The following TMEM8B variants were observed in gnomAD, a reference collection of about 807,000 sequenced individuals.
TMEM8B encodes nasopharyngeal carcinoma expressed 6.
TMEM8B carries 29 observed loss-of-function variants against 49.3 expected under a neutral mutation model. The observed-to-expected ratio is 0.59, with a 90% CI of 0.44 to 0.80. TMEM8B has a LOEUF of 0.80. Among genes scored for constraint, TMEM8B ranks in the 30% least tolerant of loss-of-function variants. TMEM8B has a pLI of 0.00. For synonymous variants in TMEM8B, 264 were observed against 272.8 expected (o/e 0.97, Z 0.32); for missense variants, 575 against 658.5 (o/e 0.87, Z 1.39).
At chr9:35,839,188 C>A (rs1279883220) in intron 3 of TMEM8B, among the ~76,000 whole-genome samples, 1 of 152,248 alleles carries the variant, frequency 6.6e-6, no homozygotes, top group African/African-American at 2.4e-5. Flanking sequence ...AGAAACCCAG[C>A]CCATACATAC....
At chr9:35,840,441 A>G (rs1274300904) in intron 3 of TMEM8B, among the ~76,000 whole-genome samples, 2 of 152,144 alleles carry the variant, frequency 1.3e-5, no homozygotes, top group African/African-American at 2.4e-5. Context: ...TATGCACTCT[A>G]TGTGAGGCCC....
rs1831510102 is a variant in TMEM8B, at chr9:35,846,077, A to AG, written c.1729+11dup. The AG allele has an allele frequency of 5.6e-6, 9 of 1,604,354 alleles. No homozygotes were observed. In the East Asian group the frequency reaches 2.0e-4, roughly 36 times the overall value. On this transcript the variant is annotated intron_variant, in intron 7 of 12. Transcript: ENST00000643932. ...AGTGACCTGTTCCAAAGGTGAGGTG[A>AG]GGAATGGGGGAGGAGAGGAAGCTGC... is the stretch of plus-strand genomic sequence containing the variant.
rs571937965 is a variant in TMEM8B, at chr9:35,853,314, C to A, written c.2439+57C>A. The A allele has an allele frequency of 1.3e-6, 2 of 1,515,394 alleles. No individual in the cohort carries two copies. Among genetic ancestry groups the A allele is most frequent in the East Asian group, 4.5e-5 (2 of 44,414 alleles). The allele number at this position is 1,515,394 out of a possible 1,614,324, so 93.9% of individuals were successfully genotyped here. On this transcript the variant is annotated intron_variant, in intron 12 of 12. Coordinates refer to ENST00000643932, the MANE Select transcript of TMEM8B (RefSeq NM_001042590.4). This position sits in a 1 kb window ranked among gnomAD's most constrained non-coding sequence, Gnocchi z 4.2. Reference sequence around the variant, plus strand: ...CCCAGCAGGACTTGGGTGCTGGGCCCCAGGTATCTGGTCCCCAGTTTAAGG... The same window carrying A: ...CCCAGCAGGACTTGGGTGCTGGGCCACAGGTATCTGGTCCCCAGTTTAAGG...
rs369365860 is a variant in TMEM8B at position 35,841,611 on chromosome 9, C to T, written c.1126C>T (p.Leu376=). Residue 376 remains leucine, a synonymous_variant, in exon 5 of 13, where the codon CTG becomes TTG. Transcript: ENST00000643932. This position sits in a 1 kb window ranked among gnomAD's most constrained non-coding sequence, Gnocchi z 5.9. The part of the protein sequence containing the change: ...GRGVSACPLS[L]RLRPKAPPLH... ...TGGGGTATCTGCCTGCCCCCTGTCA[C>T]TGCGTCTGCGTCCCAAAGCCCCACC... The T allele has an allele frequency of 1.2e-5, 5 of 416,406 alleles. No homozygotes were observed. The highest frequency in any genetic ancestry group is 2.0e-5 in the African/African-American group (1 of 48,828). 25.8% of individuals were successfully genotyped at this position (416,406 alleles called of 1,614,324 possible). A position where few individuals can be genotyped will look rare whatever the true frequency, so the allele number is the denominator to read the frequency against.
At position 35,841,976 on chromosome 9, in the gene TMEM8B, AT is replaced by A. The variant is rs34011895; in HGVS notation, c.1309+192del. 6.9e-3 allele frequency among the ~76,000 whole-genome samples: 1,037 copies of A among 149,400 alleles called. 11 individuals carry two copies. The highest frequency in any genetic ancestry group is 0.022 in the African/African-American group (885 of 40,700). On this transcript the variant is annotated intron_variant, in intron 5 of 12. Coordinates refer to ENST00000643932, the MANE Select transcript of TMEM8B (RefSeq NM_001042590.4). The surrounding 1 kb of genome is among the most constrained non-coding windows in gnomAD (Gnocchi z 5.9). The stretch of plus-strand genomic sequence containing the variant: ...CAAGTTATTGGAAGGCCTTTAGATA[AT>A]TTTTTTTTTGCATCTGACTTGAGAC...
chr9:35,847,649 G>A (rs149246780), intron 10 of TMEM8B, among the ~76,000 whole-genome samples: 16 of 152,286 alleles, frequency 1.1e-4, no homozygotes, highest in Admixed American at 2.6e-4. Flanking sequence ...ACTCAACTAT[G>A]TCCTGAGGCA....
intron 1 of TMEM8B, chr9:35,833,344 A>G: frequency 7.1e-6 from 7 of 985,138 alleles, no homozygotes; most frequent in Non-Finnish European, 7.2e-6. Flanking sequence ...TGGAGGTGTC[A>G]TCTTGGGCTT....
intron 10 of TMEM8B, among the ~76,000 whole-genome samples, chr9:35,847,458 C>G (rs1831713705): frequency 1.3e-5 from 2 of 152,260 alleles, no homozygotes; most frequent in Admixed American, 1.3e-4. Flanking sequence ...AGCTCCCCTT[C>G]TCCGTCGCAC....
Position 35,841,958 on chromosome 9 carries a change from T to C in TMEM8B, c.1309+164T>C, listed in dbSNP as rs569356346. ...CCATCACACTTGGAGCTCCAAGTTA[T>C]TGGAAGGCCTTTAGATAATTTTTTT... On this transcript the variant is annotated intron_variant, in intron 5 of 12. Transcript: ENST00000643932. This position sits in a 1 kb window ranked among gnomAD's most constrained non-coding sequence, Gnocchi z 5.9. Among the ~76,000 whole-genome samples, 1 of 152,298 alleles carries C rather than the reference T, an allele frequency of 6.6e-6. No homozygotes were observed. The highest frequency in any genetic ancestry group is 2.1e-4 in the South Asian group (1 of 4,824).
At chr9:35,830,038 G>A (rs1829695256) in intron 1 of TMEM8B, 83 bp downstream of exon 1, 4 of 410,320 alleles carry the variant, frequency 9.7e-6, no homozygotes, top group Admixed American at 4.4e-5. Context: ...GGAGAGGTGG[G>A]ACCTGGGGAA....
chr9:35,830,343 T>A (rs921960238), intron 1 of TMEM8B, among the ~76,000 whole-genome samples: 1 of 152,174 alleles, frequency 6.6e-6, no homozygotes, highest in Admixed American at 6.5e-5. Context: ...CCCAAACCTT[T>A]GAGATATTGG....
At position 35,853,960 on chromosome 9, in the gene TMEM8B, A is replaced by G. The variant is rs1832393438; in HGVS notation, c.*120A>G. Reference sequence around the variant, plus strand: ...TCTTGAGGACATGGAGTCTTTCTCAAGGACACAAAACTCTTCCAGGGACCT... The same window carrying G: ...TCTTGAGGACATGGAGTCTTTCTCAGGGACACAAAACTCTTCCAGGGACCT... On this transcript the variant is annotated 3_prime_UTR_variant, in exon 13 of 13. Transcript: ENST00000643932. The surrounding 1 kb of genome is among the most constrained non-coding windows in gnomAD (Gnocchi z 4.2). 1 of 1,391,438 alleles carries G rather than the reference A, an allele frequency of 7.2e-7. No individual in the cohort carries two copies. Among genetic ancestry groups the G allele is most frequent in the East Asian group, 2.6e-5 (1 of 38,234 alleles). The allele number at this position is 1,391,438 out of a possible 1,614,324, so 86.2% of individuals were successfully genotyped here. A position where few individuals can be genotyped will look rare whatever the true frequency, so the allele number is the denominator to read the frequency against.
rs1365568872 is a variant in TMEM8B, at chr9:35,842,265, G to GAC, written c.1310-125_1310-124dup. The GAC allele has an allele frequency of 7.2e-6, 5 of 693,696 alleles. No homozygotes were observed. Among genetic ancestry groups the GAC allele is most frequent in the Admixed American group, 6.8e-5 (2 of 29,314 alleles). 43.0% of individuals were successfully genotyped at this position (693,696 alleles called of 1,614,324 possible). Reference sequence around the variant, plus strand: ...ACCTGGATGCCCCACACTCCCAAGGGACATCGCATTCTAGTTCTCATCCTT... The same window carrying GAC: ...ACCTGGATGCCCCACACTCCCAAGGGACACATCGCATTCTAGTTCTCATCCTT... On this transcript the variant is annotated intron_variant, in intron 5 of 12. Transcript: ENST00000643932. The surrounding 1 kb of genome is among the most constrained non-coding windows in gnomAD (Gnocchi z 5.6).
rs4879933 is a variant in TMEM8B at position 35,863,931 on chromosome 9, G to T, written c.*10091G>T. 2 of 152,066 alleles carry T rather than the reference G, an allele frequency of 1.3e-5. No individual in the cohort carries two copies. The highest frequency in any genetic ancestry group is 4.8e-5 in the African/African-American group (2 of 41,356). 9.4% of individuals were successfully genotyped at this position (152,066 alleles called of 1,614,324 possible). On this transcript the variant is annotated 3_prime_UTR_variant, in exon 13 of 13. Coordinates refer to ENST00000643932, the MANE Select transcript of TMEM8B (RefSeq NM_001042590.4). ...TCTAGTGGCCATCTACCAGTGTCAC[G>T]CAGTGTCACGCTCGGTCATGGCCTG...
intron 3 of TMEM8B, among the ~76,000 whole-genome samples, chr9:35,839,562 C>A (rs374732628): frequency 5.3e-5 from 8 of 152,348 alleles, no homozygotes; most frequent in African/African-American, 1.9e-4. Context: ...CCAAACAGGT[C>A]ATGTCCACTG....
intron 10 of TMEM8B, among the ~76,000 whole-genome samples, chr9:35,851,086 A>T (rs1425299554): frequency 2.0e-5 from 3 of 152,216 alleles, no homozygotes; most frequent in Non-Finnish European, 4.4e-5. Flanking sequence ...TCTTAGGTGT[A>T]TTCAAACATT....
chr9:35,851,573 T>C (rs1832140871), intron 10 of TMEM8B, among the ~76,000 whole-genome samples: 1 of 152,198 alleles, frequency 6.6e-6, no homozygotes, highest in Non-Finnish European at 1.5e-5. Flanking sequence ...ACAAGCCCTT[T>C]CGAAAGCCTG....
rs1039524515 is a variant in TMEM8B, at chr9:35,856,826, G to C, written c.*2986G>C. On this transcript the variant is annotated 3_prime_UTR_variant, in exon 13 of 13. Coordinates refer to ENST00000643932, the MANE Select transcript of TMEM8B (RefSeq NM_001042590.4). The stretch of plus-strand genomic sequence containing the variant: ...TTCCCTGAGATGGTGACACCACTTT[G>C]GGTGGGGGGAAGATGAGCTCCACTT... 1 of 152,274 alleles carries C rather than the reference G, an allele frequency of 6.6e-6. No individual in the cohort carries two copies. Among genetic ancestry groups the C allele is most frequent in the African/African-American group, 2.4e-5 (1 of 41,452 alleles). The allele number at this position is 152,274 out of a possible 1,614,324, so 9.4% of individuals were successfully genotyped here.
intron 10 of TMEM8B, among the ~76,000 whole-genome samples, chr9:35,848,739 A>G (rs1409463302): frequency 1.4e-5 from 2 of 143,688 alleles, no homozygotes; most frequent in Non-Finnish European, 3.0e-5. Flanking sequence ...CAGTGGCGCG[A>G]TCTTAGCTCA....
Sources: allele counts gnomAD v4.1 joint callset (sites outside exome capture counted in the v4.1 genomes callset), GRCh38; gene constraint gnomAD v4.1.1; non-coding constraint Gnocchi (gnomAD v3.1); transcripts MANE v1.5; gene names NCBI Gene and HGNC (gene_info 2026-07-23, HGNC 2026-07-21).